The following MAPK10 variants were observed in gnomAD, a reference collection of about 807,000 sequenced individuals.
MAPK10 encodes the protein mitogen-activated protein kinase 10.
MAPK10 carries 25 observed loss-of-function variants against 59.3 expected under a neutral mutation model. The observed-to-expected ratio is 0.42, with a 90% CI of 0.31 to 0.59. The LOEUF is 0.59. Among genes scored for constraint, MAPK10 ranks in the 20% least tolerant of loss-of-function variants. The probability of loss-of-function intolerance (pLI) is 0.15; values close to 1 mark genes in which losing one functional copy is unlikely to be tolerated. For missense variants in MAPK10, 351 were observed against 568.9 expected (o/e 0.62, Z 3.90); for synonymous variants, 190 against 200.5 (o/e 0.95, Z 0.44).
chr4:86,015,078 A>G lies in MAPK10; in HGVS notation c.*2150T>C, dbSNP rs1302628799. 1 of 152,056 alleles carries G rather than the reference A, an allele frequency of 6.6e-6. No homozygotes were observed. The highest frequency in any genetic ancestry group is 1.5e-5 in the Non-Finnish European group (1 of 68,010). 9.4% of individuals were successfully genotyped at this position (152,056 alleles called of 1,614,324 possible). On this transcript the variant is annotated 3_prime_UTR_variant, in exon 14 of 14. Coordinates refer to ENST00000641462, the MANE Select transcript of MAPK10 (RefSeq NM_138982.4). ...AGTGACTGAGGAGGCATTTTTAACA[A>G]TCAGGTTATCTGCAATATTAACCAG...
intron 1 of MAPK10, among the ~76,000 whole-genome samples, chr4:86,444,302 A>C (rs1215728501): frequency 6.6e-6 from 1 of 152,194 alleles, no homozygotes; most frequent in East Asian, 1.9e-4. Context: ...ATCAAAGATA[A>C]AGAAAAATTT....
At chr4:86,159,892 A>G (rs1181372094) in intron 3 of MAPK10, among the ~76,000 whole-genome samples, 1 of 148,860 alleles carries the variant, frequency 6.7e-6, no homozygotes, top group African/African-American at 2.6e-5. Flanking sequence ...ATGAGAACAG[A>G]TAAAAAATTG....
intron 1 of MAPK10, among the ~76,000 whole-genome samples, chr4:86,424,991 C>T (rs1311090780): frequency 2.0e-5 from 3 of 151,974 alleles, no homozygotes; most frequent in African/African-American, 7.3e-5. Flanking sequence ...AAGGAAAGAC[C>T]ATTGTGAAGA....
In MAPK10 at chr4:86,017,781, G is replaced by A. The variant is rs1036584658; in HGVS notation, c.1253-411C>T. 3.9e-5 allele frequency among the ~76,000 whole-genome samples: 6 copies of A among 151,986 alleles called. No homozygotes were observed. Among genetic ancestry groups the A allele is most frequent in the Non-Finnish European group, 7.4e-5 (5 of 67,994 alleles). On this transcript the variant is annotated intron_variant, in intron 13 of 13. Transcript: ENST00000641462. This position sits in a 1 kb window ranked among gnomAD's most constrained non-coding sequence, Gnocchi z 4.4. ...CTCTGTCGCCAGGCTGGAGTGCAGCGGCACAATCTCGGCTCACTGCAACCT... is the reference window on the plus strand; with the variant it reads ...CTCTGTCGCCAGGCTGGAGTGCAGCAGCACAATCTCGGCTCACTGCAACCT...
At chr4:86,282,409 A>G (rs557803979) in intron 2 of MAPK10, among the ~76,000 whole-genome samples, 1 of 152,300 alleles carries the variant, frequency 6.6e-6, no homozygotes, top group Non-Finnish European at 1.5e-5. Context: ...ATCCTATTGT[A>G]ATTCTGATAA....
chr4:86,209,587 A>C (rs181206346), intron 2 of MAPK10, among the ~76,000 whole-genome samples: 2 of 152,256 alleles, frequency 1.3e-5, no homozygotes, highest in Non-Finnish European at 2.9e-5. Flanking sequence ...TAGTAGATTC[A>C]AATTTTCAGT....
intron 1 of MAPK10, among the ~76,000 whole-genome samples, chr4:86,474,661 A>C (rs1224257656): frequency 6.6e-6 from 1 of 152,230 alleles, no homozygotes. Context: ...TAGTTTACAA[A>C]GCTAGAAAAT....
chr4:86,443,324 C>A (rs1000781190), intron 1 of MAPK10, among the ~76,000 whole-genome samples: 1 of 152,102 alleles, frequency 6.6e-6, no homozygotes, highest in East Asian at 1.9e-4. Flanking sequence ...CTCTACTTAA[C>A]AAGGCCTGCC....
chr4:86,499,857 C>T (rs1339112781), intron 1 of MAPK10, among the ~76,000 whole-genome samples: 1 of 152,144 alleles, frequency 6.6e-6, no homozygotes, highest in African/African-American at 2.4e-5. Flanking sequence ...CTTTCTGCTT[C>T]CTCCCTGATT....
chr4:86,564,572 G>A (rs1760921948), intron 1 of MAPK10, among the ~76,000 whole-genome samples: 2 of 152,182 alleles, frequency 1.3e-5, no homozygotes, highest in South Asian at 2.1e-4. Flanking sequence ...CCTATGAATG[G>A]AGACATGCAC....
At chr4:86,439,701 T>C (rs186571742) in intron 1 of MAPK10, among the ~76,000 whole-genome samples, 1 of 152,370 alleles carries the variant, frequency 6.6e-6, no homozygotes, top group East Asian at 1.9e-4. Flanking sequence ...GTATTTTTTA[T>C]TCCTACCAGC....
rs553491262 is a variant in MAPK10, at chr4:86,065,680, C to G, written c.986-1290G>C. ...AGGTATTTCTCCTAAAGCTATCCCT[C>G]CCCTAGTCTTTTACATAAAGTTTTA... On this transcript the variant is annotated intron_variant, in intron 10 of 13. Transcript: ENST00000641462. The G allele has an allele frequency of 1.2e-4, 18 of 152,280 alleles. 1 individual carries two copies. The South Asian group carries it at 3.7e-3, about 32-fold the overall frequency. The allele number at this position is 152,280 out of a possible 1,614,324, so 9.4% of individuals were successfully genotyped here.
At chr4:86,210,257 A>G (rs2085400090) in intron 2 of MAPK10, among the ~76,000 whole-genome samples, 1 of 152,102 alleles carries the variant, frequency 6.6e-6, no homozygotes, top group Non-Finnish European at 1.5e-5. Context: ...ATAGGCAACC[A>G]AAGCAAAAAT....
At position 86,323,337 on chromosome 4, in the gene MAPK10, T is replaced by C. The variant is rs563272829; in HGVS notation, c.-7+31193A>G. ...TCTAAATGTGGTCACATTTTATTTCTATTGTTAATTCATGGCAGGTAAGGC... is the reference window on the plus strand; with the variant it reads ...TCTAAATGTGGTCACATTTTATTTCCATTGTTAATTCATGGCAGGTAAGGC... On this transcript the variant is annotated intron_variant, in intron 2 of 13. Coordinates refer to ENST00000641462, the MANE Select transcript of MAPK10 (RefSeq NM_138982.4). 3.9e-5 allele frequency among the ~76,000 whole-genome samples: 6 copies of C among 152,332 alleles called. No individual in the cohort carries two copies. In the East Asian group the frequency reaches 1.2e-3, roughly 29 times the overall value.
At chr4:86,215,058 A>G (rs978744013) in intron 2 of MAPK10, among the ~76,000 whole-genome samples, 7 of 152,188 alleles carry the variant, frequency 4.6e-5, no homozygotes, top group Non-Finnish European at 7.3e-5. Context: ...TAGCATAAAG[A>G]CTGATGTATA....
intron 2 of MAPK10, among the ~76,000 whole-genome samples, chr4:86,344,002 T>C (rs573982423): frequency 2.0e-5 from 3 of 152,216 alleles, no homozygotes; most frequent in Non-Finnish European, 4.4e-5. Flanking sequence ...TACCAGTGGC[T>C]ACAACAAAAA....
At chr4:86,342,970 T>C (rs1302836644) in intron 2 of MAPK10, among the ~76,000 whole-genome samples, 1 of 152,106 alleles carries the variant, frequency 6.6e-6, no homozygotes, top group South Asian at 2.1e-4. Flanking sequence ...AGACCCCAAA[T>C]TCCTTCACAG....
At chr4:86,250,080 T>C (rs929165309) in intron 2 of MAPK10, among the ~76,000 whole-genome samples, 1 of 152,172 alleles carries the variant, frequency 6.6e-6, no homozygotes, top group Admixed American at 6.5e-5. Context: ...ATACTTTGCC[T>C]TTGTCTAAAA....
chr4:86,475,563 G>A (rs1354673471), intron 1 of MAPK10, among the ~76,000 whole-genome samples: 2 of 152,102 alleles, frequency 1.3e-5, no homozygotes, highest in African/African-American at 4.8e-5. Flanking sequence ...CACGGACTCG[G>A]GAAGACAGTC....
Sources: gnomAD v4.1 joint callset for allele counts (sites outside exome capture counted in the v4.1 genomes callset) on GRCh38, gnomAD v4.1.1 for gene constraint, Gnocchi (gnomAD v3.1) non-coding constraint, MANE v1.5 for transcripts, NCBI Gene and HGNC (gene_info 2026-07-23, HGNC 2026-07-21) for gene names.